The following SCML4 variants were observed in gnomAD, a reference collection of about 807,000 sequenced individuals.
SCML4 encodes Scm polycomb group protein like 4, also known as sex comb on midleg-like protein 4.
In SCML4, 34 loss-of-function variants were observed where a neutral mutation model predicts 41.1. The ratio of observed to expected loss-of-function variants is 0.83; its 90% CI spans 0.63 to 1.10. The LOEUF (loss-of-function observed/expected upper bound fraction) is 1.10. Among genes scored for constraint, SCML4 ranks in the 50% least tolerant of loss-of-function variants. SCML4 has a pLI of 0.00. For missense variants in SCML4, 522 were observed against 534.1 expected, an observed-to-expected ratio of 0.98 and a Z score of 0.22; for synonymous variants, 214 against 220.9, an observed-to-expected ratio of 0.97 and a Z score of 0.28.
Position 107,745,280 on chromosome 6 carries a change from T to C in SCML4, c.488-137A>G, listed in dbSNP as rs1777972389. 6.2e-6 allele frequency: 4 copies of C among 649,984 alleles called. No individual in the cohort carries two copies. The East Asian group carries it at 1.2e-4, about 19-fold the overall frequency. The allele number at this position is 649,984 out of a possible 1,614,324, so 40.3% of individuals were successfully genotyped here. On this transcript the variant is annotated intron_variant, in intron 4 of 7. Transcript: ENST00000369020. ...ACTATATTTGGATTTCACCTGTTTG[T>C]TCACAATGTCCTGTTTCTGGTGGGG...
the SCML4 span, among the ~76,000 whole-genome samples, chr6:107,832,758 C>G: frequency 2.6e-5 from 4 of 152,120 alleles, no homozygotes; most frequent in African/African-American, 9.7e-5. Context: ...GAAGGTGGGG[C>G]AGAGGAGACC....
At position 107,707,978 on chromosome 6, in the gene SCML4, C is replaced by T; in HGVS notation, c.1007G>A (p.Arg336Lys). 1 of 1,551,422 alleles carries T rather than the reference C, an allele frequency of 6.4e-7. No individual in the cohort carries two copies. Among genetic ancestry groups the T allele is most frequent in the Non-Finnish European group, 8.7e-7 (1 of 1,146,996 alleles). The change falls in exon 7 of 8, where the codon AGG becomes AAG. Residue 336 changes from arginine (R) to lysine (K), a missense_variant. By Grantham distance (26) the Arg-to-Lys change is conservative. Coordinates refer to ENST00000369020, the MANE Select transcript of SCML4 (RefSeq NM_198081.5). Reference sequence around the variant, plus strand: ...GGAGGGGTTCCTGCTCCGTGGCCGCCTGGCATCCTGCGCATCCTGAGAAGG... The same window carrying T: ...GGAGGGGTTCCTGCTCCGTGGCCGCTTGGCATCCTGCGCATCCTGAGAAGG... ...SSPSQDAQDA[R>K]RPRSRNPSAW... is the part of the protein sequence containing the mutation.
chr6:107,755,897 G>C (rs1469352302), intron 2 of SCML4, among the ~76,000 whole-genome samples: 2 of 152,122 alleles, frequency 1.3e-5, no homozygotes, highest in African/African-American at 4.8e-5. Flanking sequence ...GGTGGGGACT[G>C]GTTACAGGGA....
chr6:107,749,151 T>A (rs1049704859), intron 3 of SCML4, among the ~76,000 whole-genome samples: 11 of 152,142 alleles, frequency 7.2e-5, no homozygotes, highest in East Asian at 5.8e-4. Flanking sequence ...TGCGTGTGTG[T>A]GAGAGAGAGA....
At chr6:107,813,362 C>CAAAAAAA (rs1372894645) in intron 1 of SCML4, among the ~76,000 whole-genome samples, 5 of 88,858 alleles carry the variant, frequency 5.6e-5, no homozygotes, top group African/African-American at 2.8e-4. Context: ...GACGCCATCT[C>CAAAAAAA]AAAAAAATTA....
rs112503148 is a variant in SCML4, at chr6:107,758,868, A to G, written c.157-9055T>C. On this transcript the variant is annotated intron_variant, in intron 2 of 7. Transcript: ENST00000369020. ...GGTAGTTCTTTGTTACAGCAGCCCT[A>G]AGGAAACAAATACAGTCAGGATAAC... Among the ~76,000 whole-genome samples, 455 of 152,310 alleles carry G rather than the reference A, an allele frequency of 3.0e-3. 4 individuals are homozygous for G. Among genetic ancestry groups the G allele is most frequent in the African/African-American group, 0.01 (436 of 41,580 alleles).
chr6:107,806,062 G>T (rs983121706), intron 1 of SCML4, among the ~76,000 whole-genome samples: 2 of 152,110 alleles, frequency 1.3e-5, no homozygotes, highest in Non-Finnish European at 2.9e-5. Flanking sequence ...ATTTACCACG[G>T]GGCCAGGTGA....
At chr6:107,776,027 AAAAG>A (rs1361703483) in intron 1 of SCML4, among the ~76,000 whole-genome samples, 2 of 152,156 alleles carry the variant, frequency 1.3e-5, no homozygotes, top group Non-Finnish European at 2.9e-5. Flanking sequence ...TATACATAAA[AAAAG>A]AAACATTAAA....
At chr6:107,742,389 A>C (rs1433404623) in intron 5 of SCML4, among the ~76,000 whole-genome samples, 1 of 152,218 alleles carries the variant, frequency 6.6e-6, no homozygotes. Flanking sequence ...AAATAATAAC[A>C]GAAAACTTTC....
At chr6:107,706,115 AG>A (rs991941643) in intron 7 of SCML4, among the ~76,000 whole-genome samples, 3 of 152,196 alleles carry the variant, frequency 2.0e-5, no homozygotes, top group Admixed American at 6.5e-5. Flanking sequence ...TAATGGTGCC[AG>A]GGTCACCAGC....
At chr6:107,729,925 C>T (rs1230360223) in intron 5 of SCML4, among the ~76,000 whole-genome samples, 4 of 152,162 alleles carry the variant, frequency 2.6e-5, no homozygotes, top group South Asian at 2.1e-4. Flanking sequence ...TAGAGTGAGG[C>T]CATTGTGCTA....
rs867775465 is a variant in SCML4, at chr6:107,702,586, G to T, written c.*2614C>A. 2.0e-5 allele frequency among the ~76,000 whole-genome samples: 3 copies of T among 152,178 alleles called. No homozygotes were observed. ...CCTGGATTGTTGTGGGATTTTTCTG[G>T]ATCTCATTGTTTTCACCCTGGCAGT... On this transcript the variant is annotated 3_prime_UTR_variant, in exon 8 of 8. Transcript: ENST00000369020.
At chr6:107,705,668 G>A (rs941711426) in intron 7 of SCML4, among the ~76,000 whole-genome samples, 5 of 152,070 alleles carry the variant, frequency 3.3e-5, no homozygotes, top group Non-Finnish European at 5.9e-5. Context: ...GGCAAAAACC[G>A]TCATCCATTA....
chr6:107,807,246 A>T (rs573889506), intron 1 of SCML4, among the ~76,000 whole-genome samples: 1 of 152,302 alleles, frequency 6.6e-6, no homozygotes, highest in African/African-American at 2.4e-5. Context: ...CATTTCTGTC[A>T]ATCTTTGCCA....
At chr6:107,776,179 T>A (rs569894464) in intron 1 of SCML4, among the ~76,000 whole-genome samples, 12 of 152,148 alleles carry the variant, frequency 7.9e-5, no homozygotes, top group African/African-American at 2.6e-4. Context: ...TCAAACACTT[T>A]CATAAAGCAA....
At chr6:107,775,347 C>A (rs1416183400) in intron 1 of SCML4, among the ~76,000 whole-genome samples, 7 of 152,238 alleles carry the variant, frequency 4.6e-5, no homozygotes, top group Non-Finnish European at 1.0e-4. Flanking sequence ...AGTTCCTCAA[C>A]TGAGACACAA....
chr6:107,706,389 G>A (rs1409103066), intron 7 of SCML4, among the ~76,000 whole-genome samples: 2 of 152,196 alleles, frequency 1.3e-5, no homozygotes, highest in Non-Finnish European at 2.9e-5. Flanking sequence ...CCATTGTTAG[G>A]TGAGGTCAAC....
In SCML4 at chr6:107,705,156, T is replaced by C; in HGVS notation, c.*44A>G. The C allele has an allele frequency of 2.0e-6, 3 of 1,528,000 alleles. No individual in the cohort carries two copies. The highest frequency in any genetic ancestry group is 1.2e-5 in the South Asian group (1 of 83,558). 94.7% of individuals were successfully genotyped at this position (1,528,000 alleles called of 1,614,324 possible). ...ATATTGGTAAGGCAGAAGATAATCT[T>C]GGGATCTGTTGTTTTGGGTTTCGCT... is the stretch of plus-strand genomic sequence containing the variant. On this transcript the variant is annotated 3_prime_UTR_variant, in exon 8 of 8. Transcript: ENST00000369020.
In SCML4 at chr6:107,764,975, G is replaced by T. The variant is rs149497187; in HGVS notation, c.156+7197C>A. On this transcript the variant is annotated intron_variant, in intron 2 of 7. Transcript: ENST00000369020. ...CCTCCCTGGCCATGTGGAACTGTGAGTCCATTAAACCTCTTTTTCTTTATA... is the reference window on the plus strand; with the variant it reads ...CCTCCCTGGCCATGTGGAACTGTGATTCCATTAAACCTCTTTTTCTTTATA... Among the ~76,000 whole-genome samples, 929 of 152,296 alleles carry T rather than the reference G, an allele frequency of 6.1e-3. 25 individuals are homozygous for T. The highest frequency in any genetic ancestry group is 0.055 in the Admixed American group (835 of 15,298).
Sources: allele counts gnomAD v4.1 joint callset (sites outside exome capture counted in the v4.1 genomes callset), GRCh38; gene constraint gnomAD v4.1.1; transcripts MANE v1.5; gene names NCBI Gene and HGNC (gene_info 2026-07-23, HGNC 2026-07-21).